Variants in PNO1 observed in about 807,000 individuals in gnomAD.
PNO1 encodes the protein partner of NOB1 homolog.
A neutral mutation model predicts 28.4 loss-of-function variants in PNO1; 16 were observed. That is an observed-to-expected ratio of 0.56 (90% CI 0.38 to 0.85). PNO1 has a LOEUF of 0.85. Ranked by LOEUF, PNO1 falls within the 40% of genes least tolerant of loss-of-function variation. The pLI is 0.00. For synonymous variants in PNO1, 115 were observed against 110.8 expected (o/e 1.04, Z -0.24); for missense variants, 304 against 312.2 (o/e 0.97, Z 0.20).
chr2:68,170,599 T>G (rs1687017692), intron 5 of PNO1, among the ~76,000 whole-genome samples: 1 of 151,656 alleles, frequency 6.6e-6, no homozygotes, highest in Non-Finnish European at 1.5e-5. Context: ...TACAAAAAAA[T>G]TAGTCGGGCG....
At chr2:68,159,397 C>T (rs1673772058) in intron 2 of PNO1, among the ~76,000 whole-genome samples, 1 of 151,872 alleles carries the variant, frequency 6.6e-6, no homozygotes, top group Non-Finnish European at 1.5e-5. Context: ...TTAGTAGAGA[C>T]TGGGTTTTAG....
rs772564290 is a variant in PNO1, at chr2:68,157,975, A to G, written c.41A>G (p.Glu14Gly). 1.9e-6 allele frequency: 3 copies of G among 1,614,108 alleles called. No individual in the cohort carries two copies. Among genetic ancestry groups the G allele is most frequent in the Non-Finnish European group, 2.5e-6 (3 of 1,180,006 alleles). The change falls in exon 1 of 7, where the codon GAG (glutamate) becomes GGG (glycine). Residue 14 changes from glutamate (E) to glycine (G), a missense_variant. Physicochemically the swap from Glu to Gly is moderately conservative, Grantham distance 98. Coordinates refer to ENST00000263657, the MANE Select transcript of PNO1 (RefSeq NM_020143.4). ...GAAACGCAGAGCGCCAGGGCAGAGG[A>G]GGGCTTTACCCAGGTCACCCGCAAG... ...EMETQSARAE[E>G]GFTQVTRKGG...
At chr2:68,162,129 ACT>A (rs1673846808) in intron 3 of PNO1, 134 bp from the exon 4 acceptor site, 2 of 632,980 alleles carry the variant, frequency 3.2e-6, no homozygotes, top group Non-Finnish European at 2.7e-6. Flanking sequence ...ACAGCGTAAG[ACT>A]CTGTCTCCAA....
intron 1 of PNO1, 68 bp from the exon 2 acceptor site, chr2:68,158,312 A>G: frequency 6.8e-7 from 1 of 1,478,268 alleles, no homozygotes; most frequent in Non-Finnish European, 9.2e-7. Flanking sequence ...TTTGTGGATC[A>G]GATGTCATTT....
At chr2:68,163,360 T>A (rs1207091613) in intron 5 of PNO1, among the ~76,000 whole-genome samples, 6 of 151,852 alleles carry the variant, frequency 4.0e-5, no homozygotes, top group Non-Finnish European at 8.8e-5. Context: ...GGTGAAACCC[T>A]CTCTCTACTA....
At chr2:68,161,223 G>C (rs1173815205) in intron 2 of PNO1, 2 of 471,278 alleles carry the variant, frequency 4.2e-6, no homozygotes, top group Non-Finnish European at 8.8e-6. Flanking sequence ...AGTGCATGCA[G>C]GTAGTTAGGC....
chr2:68,173,210 T>C (rs1674178222), intron 5 of PNO1, 137 bp from the exon 6 acceptor site: 1 of 565,952 alleles, frequency 1.8e-6, no homozygotes, highest in Non-Finnish European at 3.2e-6. Flanking sequence ...AGAGATGGCG[T>C]CTCATTATGC....
At chr2:68,174,608 T>G in intron 6 of PNO1, 127 bp from the exon 7 acceptor site, 1 of 583,354 alleles carries the variant, frequency 1.7e-6, no homozygotes, top group Non-Finnish European at 3.2e-6. Context: ...TGTAAGAGAC[T>G]TGAGCATCCA....
chr2:68,170,534 T>G (rs559743464), intron 5 of PNO1, among the ~76,000 whole-genome samples: 1 of 152,232 alleles, frequency 6.6e-6, no homozygotes, highest in South Asian at 2.1e-4. Flanking sequence ...GATCACAATG[T>G]CAGGAGATCG....
chr2:68,166,849 C>T (rs905138284), intron 5 of PNO1, among the ~76,000 whole-genome samples: 18 of 152,212 alleles, frequency 1.2e-4, no homozygotes, highest in African/African-American at 4.3e-4. Context: ...GCACTCACCT[C>T]CATCAAGTCG....
Position 68,161,784 on chromosome 2 carries a change from A to G in PNO1, c.441+18A>G. ...AGGTGGAGGTGAGTAATTCCATGAT[A>G]TCTAAAATGGGGACTTTAAAAATAT... On this transcript the variant is annotated intron_variant, in intron 3 of 6. Transcript: ENST00000263657. 6.7e-7 allele frequency: 1 copy of G among 1,487,594 alleles called. No homozygotes were observed. Among genetic ancestry groups the G allele is most frequent in the Non-Finnish European group, 9.4e-7 (1 of 1,067,138 alleles). 92.1% of individuals were successfully genotyped at this position (1,487,594 alleles called of 1,614,324 possible).
intron 5 of PNO1, among the ~76,000 whole-genome samples, chr2:68,170,559 A>G (rs1464267799): frequency 6.6e-6 from 1 of 152,144 alleles, no homozygotes; most frequent in Non-Finnish European, 1.5e-5. Flanking sequence ...CATCCTGGCT[A>G]ACACGGTGAA....
intron 1 of PNO1, 108 bp downstream of exon 1, chr2:68,158,249 G>A: frequency 7.3e-7 from 1 of 1,376,118 alleles, no homozygotes; most frequent in Non-Finnish European, 1.0e-6. Context: ...CTGCCGTGAT[G>A]CTCAGAGAGA....
chr2:68,170,475 T>C (rs949859395), intron 5 of PNO1, among the ~76,000 whole-genome samples: 2 of 152,206 alleles, frequency 1.3e-5, no homozygotes, highest in South Asian at 2.1e-4. Context: ...TGGCCGGGCG[T>C]GATGGCTCAC....
chr2:68,168,965 A>G (rs376350035), intron 5 of PNO1, among the ~76,000 whole-genome samples: 50 of 115,636 alleles, frequency 4.3e-4, no homozygotes, highest in African/African-American at 1.6e-3. Context: ...GTCTCCCTCT[A>G]TCGCCAAGGC....
chr2:68,158,834 A>AG (rs1174412136), intron 2 of PNO1, among the ~76,000 whole-genome samples: 4 of 152,364 alleles, frequency 2.6e-5, no homozygotes, highest in African/African-American at 9.6e-5. Context: ...CATAAACAGA[A>AG]GCAGGTAAAT....
At chr2:68,167,001 T>C (rs955826900) in intron 5 of PNO1, among the ~76,000 whole-genome samples, 1 of 152,234 alleles carries the variant, frequency 6.6e-6, no homozygotes, top group Non-Finnish European at 1.5e-5. Context: ...GTAAATCCTG[T>C]ACTGTCATGC....
chr2:68,173,410 A>G lies in PNO1; in HGVS notation c.684A>G (p.Leu228=), dbSNP rs753566339. The G allele has an allele frequency of 1.3e-6, 2 of 1,582,100 alleles. No homozygotes were observed. Among genetic ancestry groups the G allele is most frequent in the Non-Finnish European group, 8.7e-7 (1 of 1,151,134 alleles). Residue 228 remains leucine (L), a synonymous_variant, in exon 6 of 7, where the codon CTA becomes CTG. Transcript: ENST00000263657. ...IKMARTAICN[L]ILGNPPSKVY... ...TGGCAAGAACTGCCATTTGCAACCT[A>G]ATCTTGGGTAATAGCAGTTTCTTTC...
At chr2:68,172,193 C>T (rs531494603) in intron 5 of PNO1, among the ~76,000 whole-genome samples, 7 of 152,308 alleles carry the variant, frequency 4.6e-5, no homozygotes, top group African/African-American at 1.4e-4. Flanking sequence ...GAGCTAACAT[C>T]TTCACAGGTG....
Sources: allele counts gnomAD v4.1 joint callset (sites outside exome capture counted in the v4.1 genomes callset), GRCh38; gene constraint gnomAD v4.1.1; transcripts MANE v1.5; gene names NCBI Gene and HGNC (gene_info 2026-07-23, HGNC 2026-07-21).